PRKCH: variants seen among roughly 807,000 people sequenced by gnomAD.
PRKCH encodes the protein protein kinase C eta type.
A neutral mutation model predicts 82.5 loss-of-function variants in PRKCH; 28 were observed. That is an observed-to-expected ratio of 0.34 (90% CI 0.25 to 0.47). PRKCH has a LOEUF of 0.47. Among genes scored for constraint, PRKCH ranks in the 20% least tolerant of loss-of-function variants. PRKCH has a pLI of 1.00. For missense variants in PRKCH, 705 were observed against 881.8 expected (o/e 0.80, Z 2.54); for synonymous variants, 322 against 327.4 (o/e 0.98, Z 0.18).
intron 1 of PRKCH, among the ~76,000 whole-genome samples, chr14:61,313,684 T>G (rs1380495304): frequency 6.6e-6 from 1 of 152,130 alleles, no homozygotes; most frequent in African/African-American, 2.4e-5. Context: ...CTCACAATCA[T>G]GGTGGAAGGC....
At chr14:61,305,007 A>T (rs375097214) in intron 1 of PRKCH, 2 of 151,534 alleles carry the variant, frequency 1.3e-5, no homozygotes, top group Admixed American at 6.6e-5. Context: ...TAACCTTTTG[A>T]CTACAGTGTA....
At chr14:61,262,231 A>AAAAAAAAAAAAAAAAAAAAAAAAAAT (rs2045054310) in intron 1 of PRKCH, among the ~76,000 whole-genome samples, 1 of 151,578 alleles carries the variant, frequency 6.6e-6, no homozygotes, top group African/African-American at 2.4e-5. Context: ...AAAAAAAAAA[A>AAAAAAAAAAAAAAAAAAAAAAAAAAT]AGAATATTCA....
intron 2 of PRKCH, among the ~76,000 whole-genome samples, chr14:61,430,825 G>C (rs1416368685): frequency 6.6e-6 from 1 of 151,368 alleles, no homozygotes; most frequent in Admixed American, 6.6e-5. Context: ...CGTGATCTCA[G>C]CTCACTGCAA....
At chr14:61,220,446 G>T (rs1354892337) in intron 1 of PRKCH, among the ~76,000 whole-genome samples, 1 of 152,208 alleles carries the variant, frequency 6.6e-6, no homozygotes, top group African/African-American at 2.4e-5. Context: ...GGATTAAAGA[G>T]ATTTCTCAAG....
At chr14:61,365,366 CT>C in intron 1 of PRKCH, among the ~76,000 whole-genome samples, 1 of 152,178 alleles carries the variant, frequency 6.6e-6, no homozygotes, top group South Asian at 2.1e-4. Flanking sequence ...TATAATAATA[CT>C]TTTATGTATT....
chr14:61,301,065 C>T (rs1047816535), intron 1 of PRKCH, among the ~76,000 whole-genome samples: 5 of 152,144 alleles, frequency 3.3e-5, no homozygotes, highest in African/African-American at 1.2e-4. Flanking sequence ...TCAGGCGCCC[C>T]GCTCTCTCTG....
At chr14:61,381,310 A>C (rs1022437154) in intron 1 of PRKCH, among the ~76,000 whole-genome samples, 1 of 152,180 alleles carries the variant, frequency 6.6e-6, no homozygotes, top group Non-Finnish European at 1.5e-5. Context: ...TTAATCAGTA[A>C]AGTAATGACA....
chr14:61,465,278 T>C (rs1885203500), intron 9 of PRKCH, among the ~76,000 whole-genome samples: 1 of 152,250 alleles, frequency 6.6e-6, no homozygotes, highest in Admixed American at 6.5e-5. Flanking sequence ...TTTACGGTCA[T>C]ATTTTAAAAA....
At chr14:61,365,682 C>T (rs985440355) in intron 1 of PRKCH, among the ~76,000 whole-genome samples, 1 of 151,910 alleles carries the variant, frequency 6.6e-6, no homozygotes, top group African/African-American at 2.4e-5. Flanking sequence ...AACGTTAAAA[C>T]ATATCATGTA....
At chr14:61,283,352 A>T (rs894957746) in intron 1 of PRKCH, among the ~76,000 whole-genome samples, 1 of 152,156 alleles carries the variant, frequency 6.6e-6, no homozygotes, top group African/African-American at 2.4e-5. Context: ...AGAATATTTC[A>T]AGACAAGGAA....
chr14:61,501,297 A>C (rs1594766798), intron 10 of PRKCH, among the ~76,000 whole-genome samples: 1 of 152,310 alleles, frequency 6.6e-6, no homozygotes, highest in African/African-American at 2.4e-5. Context: ...AAATTGTTGA[A>C]TAAATTATGG....
intron 2 of PRKCH, among the ~76,000 whole-genome samples, chr14:61,399,673 G>A (rs1881494296): frequency 6.6e-6 from 1 of 152,108 alleles, no homozygotes; most frequent in Non-Finnish European, 1.5e-5. Context: ...TTAATTTTAA[G>A]GTAGTTTCCT....
At chr14:61,411,541 A>G (rs1882270685) in intron 2 of PRKCH, among the ~76,000 whole-genome samples, 1 of 152,258 alleles carries the variant, frequency 6.6e-6, no homozygotes. Flanking sequence ...TGGATACATC[A>G]GACAACAAAG....
chr14:61,410,756 G>A (rs1396216832), intron 2 of PRKCH, among the ~76,000 whole-genome samples: 3 of 152,154 alleles, frequency 2.0e-5, no homozygotes, highest in African/African-American at 7.2e-5. Context: ...CTCTATCCCT[G>A]TTGTGGTAGC....
At chr14:61,534,405 T>C (rs1001628217) in intron 12 of PRKCH, among the ~76,000 whole-genome samples, 15 of 152,214 alleles carry the variant, frequency 9.9e-5, no homozygotes, top group African/African-American at 3.6e-4. Context: ...GATCAAGGTA[T>C]ACTGTGTTCT....
At chr14:61,318,365 GTTTTTTTT>G (rs77878429), upstream of PRKCH, among the ~76,000 whole-genome samples, 1 of 126,328 alleles carries the variant, frequency 7.9e-6, no homozygotes, top group Non-Finnish European at 1.6e-5. Flanking sequence ...GTTTTAAAAA[GTTTTTTTT>G]TTTTTTTTTT....
intron 1 of PRKCH, among the ~76,000 whole-genome samples, chr14:61,363,916 TTACA>T (rs887580426): frequency 2.7e-5 from 4 of 150,464 alleles, no homozygotes; most frequent in African/African-American, 9.8e-5. Context: ...TAAAAATTTT[TTACA>T]TATATATGTA....
chr14:61,530,554 C>G lies in PRKCH; in HGVS notation c.1720C>G (p.Pro574Ala). ...CATACTGAATGATGAGGTGGTCTAC[C>G]CTACCTGGCTCCATGAAGATGCCAC... ...EAILNDEVVY[P>A]TWLHEDATGI... Residue 574 changes from proline (P) to alanine (A), a missense_variant, in exon 12 of 14, where the codon CCT becomes GCT. Physicochemically the swap from Pro to Ala is conservative, Grantham distance 27. Coordinates refer to ENST00000332981, the MANE Select transcript of PRKCH (RefSeq NM_006255.5). 5 of 1,608,202 alleles carry G rather than the reference C, an allele frequency of 3.1e-6. No individual in the cohort carries two copies. Among genetic ancestry groups the G allele is most frequent in the Non-Finnish European group, 4.2e-6 (5 of 1,177,116 alleles).
At chr14:61,534,532 G>A (rs1224937455) in intron 12 of PRKCH, among the ~76,000 whole-genome samples, 1 of 152,182 alleles carries the variant, frequency 6.6e-6, no homozygotes, top group Non-Finnish European at 1.5e-5. Context: ...CCATTGGATG[G>A]TGTTTTGCAT....
Sources: allele counts gnomAD v4.1 joint callset (sites outside exome capture counted in the v4.1 genomes callset), GRCh38; gene constraint gnomAD v4.1.1; transcripts MANE v1.5; gene names NCBI Gene and HGNC (gene_info 2026-07-23, HGNC 2026-07-21).